The following EVI5L variants were observed in gnomAD, a reference collection of about 807,000 sequenced individuals.
The protein encoded by EVI5L is ecotropic viral integration site 5 like, also known as EVI5-like protein.
Under a neutral mutation model 106.1 loss-of-function variants are expected in EVI5L, and 30 were observed. The observed-to-expected ratio is 0.28, with a 90% confidence interval of 0.21 to 0.38. The LOEUF (loss-of-function observed/expected upper bound fraction) is 0.38, where lower values mean the gene tolerates loss of function less well. Ranked by LOEUF, EVI5L falls within the 10% of genes least tolerant of loss-of-function variation. The pLI, the probability that EVI5L is intolerant of heterozygous loss-of-function variation, is 1.00. For missense variants in EVI5L, 809 were observed against 1,098.0 expected (o/e 0.74, Z 3.72); for synonymous variants, 489 against 483.3 (o/e 1.01, Z -0.15).
intron 1 of EVI5L, among the ~76,000 whole-genome samples, chr19:7,839,305 TAA>T (rs56135044): frequency 6.9e-6 from 1 of 143,998 alleles, no homozygotes; most frequent in African/African-American, 2.6e-5. Context: ...TCCATCCATC[TAA>T]AAAAAAAAAA....
rs769844439 is a variant in EVI5L at position 7,857,082 on chromosome 19, C to T, written c.1201-10C>T. 2.8e-5 allele frequency: 43 copies of T among 1,551,720 alleles called. No homozygotes were observed. In the South Asian group the frequency reaches 4.0e-4, roughly 15 times the overall value. ...TCCCCCTGTCGCTGGGAACCCCCTT[C>T]GCCGGGTAGGAGAGCGCTGCTCTGG... On this transcript the variant is annotated splice_polypyrimidine_tract_variant and intron_variant, in intron 11 of 19. Transcript: ENST00000538904. This position sits in a 1 kb window ranked among gnomAD's most constrained non-coding sequence, Gnocchi z 4.5.
intron 13 of EVI5L, 81 bp from the exon 14 acceptor site, chr19:7,860,480 C>A (rs1392239701): frequency 1.6e-6 from 2 of 1,271,678 alleles, no homozygotes; most frequent in Non-Finnish European, 2.1e-6. Flanking sequence ...TCTGGGGAGG[C>A]GGGGAGAAGC....
intron 13 of EVI5L, among the ~76,000 whole-genome samples, chr19:7,859,416 G>C (rs1979692325): frequency 6.6e-6 from 1 of 152,204 alleles, no homozygotes; most frequent in Admixed American, 6.5e-5. Flanking sequence ...TGAGAAAGAA[G>C]AGCCATCCAA....
rs185889440 is a variant in EVI5L at position 7,832,853 on chromosome 19, G to A, written c.-48+2472G>A. ...GGGGCTGTCGGATAGCCATGCTGAG[G>A]CCCCACATAGATCTCTGATGCCCCA... On this transcript the variant is annotated intron_variant, in intron 1 of 19. Transcript: ENST00000538904. Among the ~76,000 whole-genome samples, 3 of 152,272 alleles carry A rather than the reference G, an allele frequency of 2.0e-5. No individual in the cohort carries two copies. In the East Asian group the frequency reaches 5.8e-4, roughly 29 times the overall value.
At chr19:7,853,654 C>T (rs550820447) in intron 10 of EVI5L, 16 of 378,154 alleles carry the variant, frequency 4.2e-5, no homozygotes, top group African/African-American at 3.3e-4. Context: ...GATGTGCACG[C>T]GGTGGGCAAG....
rs1979933520 is a variant in EVI5L at position 7,863,164 on chromosome 19, G to A, written c.2044-21G>A. ...AGGCCCAGCATGGCACTGGCCCCGC[G>A]TGACCTGGCGCACCCCGCAGAGGGA... On this transcript the variant is annotated intron_variant, in intron 18 of 19. Transcript: ENST00000538904. This position sits in a 1 kb window ranked among gnomAD's most constrained non-coding sequence, Gnocchi z 7.7. The A allele has an allele frequency of 6.5e-7, 1 of 1,549,464 alleles. No individual in the cohort carries two copies. Among genetic ancestry groups the A allele is most frequent in the Non-Finnish European group, 8.7e-7 (1 of 1,146,820 alleles).
intron 3 of EVI5L, 30 bp downstream of exon 3, chr19:7,847,951 G>C: frequency 6.6e-7 from 1 of 1,521,650 alleles, no homozygotes; most frequent in Non-Finnish European, 8.8e-7. Context: ...GCAGGGCTGG[G>C]CCGACGGCGT....
At chr19:7,854,340 G>A (rs184156799) in intron 10 of EVI5L, among the ~76,000 whole-genome samples, 1 of 151,738 alleles carries the variant, frequency 6.6e-6, no homozygotes, top group Non-Finnish European at 1.5e-5. Context: ...CCTGCTGTGT[G>A]CCAAAGTCAC....
At chr19:7,854,288 A>T (rs888696698) in intron 10 of EVI5L, among the ~76,000 whole-genome samples, 2 of 141,814 alleles carry the variant, frequency 1.4e-5, no homozygotes, top group Non-Finnish European at 3.1e-5. Flanking sequence ...TCTCAAAAAA[A>T]AAAAAAAAAG....
At position 7,862,221 on chromosome 19, in the gene EVI5L, C is replaced by G; in HGVS notation, c.1744C>G (p.Gln582Glu). 1 of 1,572,330 alleles carries G rather than the reference C, an allele frequency of 6.4e-7. No individual in the cohort carries two copies. Among genetic ancestry groups the G allele is most frequent in the South Asian group, 1.2e-5 (1 of 86,294 alleles). Residue 582 changes from glutamine (Q) to glutamate (E), a missense_variant, in exon 16 of 20, where the codon CAG becomes GAG. Around this residue, in one of 2 missense-constraint regions of EVI5L, gnomAD observed 452 missense variants for 509.9 expected, o/e 0.89. Coordinates refer to ENST00000538904, the MANE Select transcript of EVI5L (RefSeq NM_001159944.3). ...GATGAGCGTGCGTCTGCGCGAGGCC[C>G]AGGCCCTGGCCGAGGGCCGCGAGCT... ...ELMSVRLREA[Q>E]ALAEGRELRQ...
chr19:7,851,661 T>C lies in EVI5L; in HGVS notation c.898-20T>C. 3 of 1,586,456 alleles carry C rather than the reference T, an allele frequency of 1.9e-6. No individual in the cohort carries two copies. Among genetic ancestry groups the C allele is most frequent in the Non-Finnish European group, 2.6e-6 (3 of 1,168,872 alleles). ...AGCCTCCCTGCCCTCCACCTCCCAC[T>C]GCCTTTGCCGCCTTTGCAGGGGCTG... is the stretch of plus-strand genomic sequence containing the variant. On this transcript the variant is annotated intron_variant, in intron 7 of 19. Transcript: ENST00000538904.
At position 7,855,981 on chromosome 19, in the gene EVI5L, C is replaced by T. The variant is rs55825006; in HGVS notation, c.1147-34C>T. The T allele has an allele frequency of 4.2e-4, 547 of 1,318,028 alleles. 5 individuals are homozygous for T. In the East Asian group the frequency reaches 0.014, roughly 35 times the overall value. 81.6% of individuals were successfully genotyped at this position (1,318,028 alleles called of 1,614,324 possible). A position where few individuals can be genotyped will look rare whatever the true frequency, so the allele number is the denominator to read the frequency against. ...GGTGCATGTAGACAGGCGTGGGGGG[C>T]GGGCTATGACGTGATCTCCCCCCAC... On this transcript the variant is annotated intron_variant, in intron 10 of 19. Transcript: ENST00000538904.
chr19:7,862,475 A>G lies in EVI5L; in HGVS notation c.1888A>G (p.Lys630Glu), dbSNP rs1979861577. 1 of 1,598,308 alleles carries G rather than the reference A, an allele frequency of 6.3e-7. No individual in the cohort carries two copies. Among genetic ancestry groups the G allele is most frequent in the Non-Finnish European group, 8.5e-7 (1 of 1,173,214 alleles). The change falls in exon 17 of 20, where the codon AAG becomes GAG. Residue 630 changes from lysine to glutamate, a missense_variant. Transcript: ENST00000538904. The stretch of plus-strand genomic sequence containing the variant: ...GCTGCAGTACCTGGCTGCACAGAAC[A>G]AGGGGCTGCAGACGCAGCTCAGCGA... ...EKLQYLAAQN[K>E]GLQTQLSESR...
rs776927917 is a variant in EVI5L at position 7,848,953 on chromosome 19, C to T, written c.360C>T (p.Phe120=). 11 of 1,612,888 alleles carry T rather than the reference C, an allele frequency of 6.8e-6. No homozygotes were observed. The South Asian group carries it at 1.2e-4, about 18-fold the overall frequency. Residue 120 remains phenylalanine, a synonymous_variant, in exon 4 of 20, where the codon TTC becomes TTT. Coordinates refer to ENST00000538904, the MANE Select transcript of EVI5L (RefSeq NM_001159944.3). This position sits in a 1 kb window ranked among gnomAD's most constrained non-coding sequence, Gnocchi z 4.8. ...ELIRKGIPHH[F]RAIVWQLLCS... ...TCCGCAAGGGCATCCCCCACCACTT[C>T]CGGGCCATCGTGTGGCAGCTTCTGT...
chr19:7,859,792 C>A (rs1230638427), intron 13 of EVI5L, among the ~76,000 whole-genome samples: 1 of 152,264 alleles, frequency 6.6e-6, no homozygotes, highest in African/African-American at 2.4e-5. Flanking sequence ...AGGGAGGCCA[C>A]TGCAGGCAAG....
At chr19:7,846,961 G>A (rs910406032) in intron 2 of EVI5L, among the ~76,000 whole-genome samples, 13 of 152,122 alleles carry the variant, frequency 8.5e-5, no homozygotes, top group African/African-American at 2.4e-4. Context: ...GAGTCGATTC[G>A]GGCCTTCCTG....
rs776882211 is a variant in EVI5L at position 7,835,377 on chromosome 19, G to T, written c.-48+4996G>T. ...ACAAAAATTAGCGAGGTATAATGGC[G>T]GGCATCTGTAATCCCAGCTACTCAG... On this transcript the variant is annotated intron_variant, in intron 1 of 19. Transcript: ENST00000538904. The surrounding 1 kb of genome is among the most constrained non-coding windows in gnomAD (Gnocchi z 4.1). Among the ~76,000 whole-genome samples, 1 of 150,396 alleles carries T rather than the reference G, an allele frequency of 6.6e-6. No individual in the cohort carries two copies. The highest frequency in any genetic ancestry group is 1.5e-5 in the Non-Finnish European group (1 of 67,556).
At position 7,838,010 on chromosome 19, in the gene EVI5L, A is replaced by G. The variant is rs117503590; in HGVS notation, c.-48+7629A>G. ...GAGCCCCCATGCCCGGCCAACCTTG[A>G]CGGTTTTGAGGAAGGTGGAGTAGGT... On this transcript the variant is annotated intron_variant, in intron 1 of 19. Coordinates refer to ENST00000538904, the MANE Select transcript of EVI5L (RefSeq NM_001159944.3). Among the ~76,000 whole-genome samples, 134 of 149,824 alleles carry G rather than the reference A, an allele frequency of 8.9e-4. No homozygotes were observed. In the East Asian group the frequency reaches 0.02, roughly 22 times the overall value.
At chr19:7,849,186 G>A (rs1279136701) in intron 4 of EVI5L, 41 bp downstream of exon 4, 3 of 1,612,720 alleles carry the variant, frequency 1.9e-6, no homozygotes, top group East Asian at 4.5e-5. Flanking sequence ...CCCAAAGGAA[G>A]GAGAAGTTCC....
Sources: allele counts gnomAD v4.1 joint callset (sites outside exome capture counted in the v4.1 genomes callset), GRCh38; gene constraint gnomAD v4.1.1; regional missense constraint gnomAD v4.1.1; non-coding constraint Gnocchi (gnomAD v3.1); transcripts MANE v1.5; gene names NCBI Gene and HGNC (gene_info 2026-07-23, HGNC 2026-07-21).